Variants in FAM78B observed in about 807,000 individuals in gnomAD.
The protein encoded by FAM78B is protein FAM78B.
In FAM78B, 10 loss-of-function variants were observed where a neutral mutation model predicts 20.0. The ratio of observed to expected loss-of-function variants is 0.50; its 90% CI spans 0.31 to 0.85. The LOEUF (loss-of-function observed/expected upper bound fraction) is 0.85. FAM78B is among the 40% of genes least tolerant of loss of function. The pLI is 0.05. For synonymous variants in FAM78B, 135 were observed against 132.8 expected, an observed-to-expected ratio of 1.02 and a Z score of -0.12; for missense variants, 283 against 345.0, an observed-to-expected ratio of 0.82 and a Z score of 1.42.
At chr1:166,094,242 C>T (rs1165331605) in intron 1 of FAM78B, among the ~76,000 whole-genome samples, 1 of 152,124 alleles carries the variant, frequency 6.6e-6, no homozygotes, top group Non-Finnish European at 1.5e-5. Context: ...GGAGCAGGAA[C>T]AGAGGTGGCA....
chr1:166,120,095 C>T (rs1298946346), intron 1 of FAM78B, among the ~76,000 whole-genome samples: 2 of 152,178 alleles, frequency 1.3e-5, no homozygotes, highest in South Asian at 2.1e-4. Flanking sequence ...GGGTGGGCTG[C>T]CGAGAATCAA....
rs548319625 is a variant in FAM78B, at chr1:166,137,265, C to A, written c.263+28721G>T. 2.3e-3 allele frequency among the ~76,000 whole-genome samples: 348 copies of A among 152,338 alleles called. 1 individual carries two copies. The highest frequency in any genetic ancestry group is 9.1e-3 in the South Asian group (44 of 4,820). On this transcript the variant is annotated intron_variant, in intron 1 of 1. Transcript: ENST00000354422. ...GGAGCCCTGTACTGAGGACTCTGGG[C>A]TGCATCTGGCTCAGCAGGACAGTGA... is the stretch of plus-strand genomic sequence containing the variant.
At chr1:166,136,585 T>C (rs979726417) in intron 1 of FAM78B, among the ~76,000 whole-genome samples, 2 of 151,958 alleles carry the variant, frequency 1.3e-5, no homozygotes, top group African/African-American at 4.8e-5. Flanking sequence ...CGATAAGTAA[T>C]GGCAAAAAAA....
intron 1 of FAM78B, among the ~76,000 whole-genome samples, chr1:166,077,460 A>C (rs1652318558): frequency 6.6e-6 from 1 of 151,726 alleles, no homozygotes; most frequent in Non-Finnish European, 1.5e-5. Flanking sequence ...CAGGAAGAAA[A>C]ATAACTCCAG....
At chr1:166,117,805 C>G (rs1654315887) in intron 1 of FAM78B, among the ~76,000 whole-genome samples, 1 of 152,142 alleles carries the variant, frequency 6.6e-6, no homozygotes, top group Non-Finnish European at 1.5e-5. Flanking sequence ...TTCTGGGTGT[C>G]TGGGAAGAGC....
chr1:166,077,773 T>C (rs1652344940), intron 1 of FAM78B, among the ~76,000 whole-genome samples: 1 of 137,404 alleles, frequency 7.3e-6, no homozygotes. Context: ...ATATATGAAT[T>C]ATATATAATA....
intron 1 of FAM78B, among the ~76,000 whole-genome samples, chr1:166,126,081 A>C (rs550019158): frequency 1.9e-4 from 29 of 151,990 alleles, no homozygotes; most frequent in Non-Finnish European, 4.0e-4. Flanking sequence ...TGATCTGCCC[A>C]CCTCAGCCTC....
chr1:166,107,241 G>A (rs1490994856), intron 1 of FAM78B, among the ~76,000 whole-genome samples: 1 of 152,062 alleles, frequency 6.6e-6, no homozygotes, highest in Non-Finnish European at 1.5e-5. Flanking sequence ...AAATAAAATT[G>A]ATAGACCATT....
intron 1 of FAM78B, among the ~76,000 whole-genome samples, chr1:166,115,303 T>A (rs556382928): frequency 9.8e-5 from 15 of 152,326 alleles, no homozygotes; most frequent in African/African-American, 3.6e-4. Context: ...GAGAATGTTG[T>A]CACATTGTCA....
At chr1:166,151,231 C>T (rs1655664847) in intron 1 of FAM78B, among the ~76,000 whole-genome samples, 1 of 152,172 alleles carries the variant, frequency 6.6e-6, no homozygotes, top group African/African-American at 2.4e-5. Flanking sequence ...ACTGTCTCGT[C>T]CACTTCTTTC....
intron 1 of FAM78B, among the ~76,000 whole-genome samples, chr1:166,135,181 C>A (rs1285362340): frequency 6.6e-6 from 1 of 152,136 alleles, no homozygotes; most frequent in African/African-American, 2.4e-5. Flanking sequence ...GGAATTTTCT[C>A]TAAACAGCTG....
intron 1 of FAM78B, among the ~76,000 whole-genome samples, chr1:166,075,163 G>A (rs1206886395): frequency 6.6e-6 from 1 of 152,180 alleles, no homozygotes; most frequent in Non-Finnish European, 1.5e-5. Context: ...AGAGTTAACT[G>A]CGAGGAAGAA....
rs539753854 is a variant in FAM78B at position 166,070,099 on chromosome 1, A to G, written c.*142T>C. The G allele has an allele frequency of 1.8e-4, 249 of 1,378,278 alleles. No individual in the cohort carries two copies. Among genetic ancestry groups the G allele is most frequent in the Non-Finnish European group, 2.2e-4 (237 of 1,060,804 alleles). The allele number at this position is 1,378,278 out of a possible 1,614,324, so 85.4% of individuals were successfully genotyped here. On this transcript the variant is annotated 3_prime_UTR_variant, in exon 2 of 2. Coordinates refer to ENST00000354422, the MANE Select transcript of FAM78B (RefSeq NM_001017961.5). ...GTTCTACCACCCAAGGAGCAGCCCT[A>G]CTCTTCAAAAGTGGCTGCAAAGGCT...
chr1:166,082,823 C>T (rs1324051764), intron 1 of FAM78B: 1 of 152,354 alleles, frequency 6.6e-6, no homozygotes, highest in Non-Finnish European at 1.5e-5. Flanking sequence ...TCCCACGTGA[C>T]AGCCGAAGGG....
intron 1 of FAM78B, among the ~76,000 whole-genome samples, chr1:166,142,909 C>T (rs1655331156): frequency 6.6e-6 from 1 of 152,160 alleles, no homozygotes; most frequent in African/African-American, 2.4e-5. Context: ...CACATGGTTT[C>T]TTAGTTCAGG....
intron 1 of FAM78B, among the ~76,000 whole-genome samples, chr1:166,132,298 T>C (rs914278667): frequency 6.6e-6 from 1 of 152,120 alleles, no homozygotes; most frequent in Non-Finnish European, 1.5e-5. Flanking sequence ...CCCTCTCCCC[T>C]AACCCTCGCG....
At chr1:166,126,434 G>C (rs1379190404) in intron 1 of FAM78B, among the ~76,000 whole-genome samples, 2 of 152,194 alleles carry the variant, frequency 1.3e-5, no homozygotes, top group Non-Finnish European at 2.9e-5. Flanking sequence ...AAATAGTATG[G>C]ATGAAATAGT....
At chr1:166,095,926 A>G (rs1216390444) in intron 1 of FAM78B, among the ~76,000 whole-genome samples, 2 of 152,198 alleles carry the variant, frequency 1.3e-5, no homozygotes, top group Non-Finnish European at 2.9e-5. Flanking sequence ...AAATGCAGGA[A>G]GCTGCAGACA....
chr1:166,080,457 T>C (rs1025611799), intron 1 of FAM78B, among the ~76,000 whole-genome samples: 1 of 152,200 alleles, frequency 6.6e-6, no homozygotes, highest in Admixed American at 6.5e-5. Flanking sequence ...GATAACATCA[T>C]CTTGATCATA....
Sources: allele counts gnomAD v4.1 joint callset (sites outside exome capture counted in the v4.1 genomes callset), GRCh38; gene constraint gnomAD v4.1.1; transcripts MANE v1.5; gene names NCBI Gene and HGNC (gene_info 2026-07-23, HGNC 2026-07-21).